NVL: variants seen among roughly 807,000 people sequenced by gnomAD.
The protein encoded by NVL is nuclear VCP like.
NVL carries 84 observed loss-of-function variants against 110.2 expected under a neutral mutation model. That is an observed-to-expected ratio of 0.76 (90% CI 0.64 to 0.91). The LOEUF (loss-of-function observed/expected upper bound fraction) is 0.91, where lower values mean the gene tolerates loss of function less well. Among genes scored for constraint, NVL ranks in the 40% least tolerant of loss-of-function variants. NVL has a pLI of 0.00. For missense variants in NVL, 882 were observed against 1,035.9 expected, an observed-to-expected ratio of 0.85 and a Z score of 2.04; for synonymous variants, 354 against 361.1, an observed-to-expected ratio of 0.98 and a Z score of 0.22.
At chr1:224,252,765 C>T (rs1429040357) in intron 18 of NVL, among the ~76,000 whole-genome samples, 2 of 152,174 alleles carry the variant, frequency 1.3e-5, no homozygotes, top group East Asian at 1.9e-4. Flanking sequence ...TCTGACTCTA[C>T]AGAGCAGAGG....
At chr1:224,298,270 T>C in intron 10 of NVL, 1 of 279,552 alleles carries the variant, frequency 3.6e-6, no homozygotes, top group South Asian at 4.3e-5. Context: ...TGGGTACTGT[T>C]CAAAAAGGAA....
chr1:224,281,595 T>C (rs1446012006), intron 15 of NVL, among the ~76,000 whole-genome samples: 1 of 151,458 alleles, frequency 6.6e-6, no homozygotes, highest in African/African-American at 2.4e-5. Context: ...CTACTGCGCC[T>C]AGCCCTTTTT....
chr1:224,287,558 T>C (rs1666983822), intron 14 of NVL, among the ~76,000 whole-genome samples: 1 of 152,190 alleles, frequency 6.6e-6, no homozygotes, highest in Non-Finnish European at 1.5e-5. Context: ...TATTTACAAC[T>C]ATGATACATC....
intron 18 of NVL, 134 bp from the exon 19 acceptor site, chr1:224,250,452 C>T: frequency 1.9e-5 from 13 of 677,930 alleles, no homozygotes; most frequent in South Asian, 3.0e-5. Context: ...GCAGCCTCGA[C>T]CTCCCAGGCT....
At chr1:224,248,458 T>A (rs1329421538) in intron 19 of NVL, among the ~76,000 whole-genome samples, 1 of 152,222 alleles carries the variant, frequency 6.6e-6, no homozygotes, top group African/African-American at 2.4e-5. Context: ...TGATCATTCT[T>A]CTGTTCTCAT....
intron 10 of NVL, chr1:224,298,305 A>G (rs1668069052): frequency 3.7e-6 from 1 of 270,840 alleles, no homozygotes; most frequent in Non-Finnish European, 7.0e-6. Context: ...TACCACCACA[A>G]AACTGGAAGA....
At chr1:224,302,303 G>A (rs977956879) in intron 9 of NVL, among the ~76,000 whole-genome samples, 2 of 152,090 alleles carry the variant, frequency 1.3e-5, no homozygotes, top group East Asian at 3.9e-4. Context: ...CCAGGTTCAA[G>A]TGATTCTCCT....
intron 19 of NVL, among the ~76,000 whole-genome samples, chr1:224,243,785 C>A (rs1661482468): frequency 1.3e-5 from 2 of 151,060 alleles, no homozygotes; most frequent in South Asian, 4.2e-4. Context: ...CCTTAGTCTC[C>A]CAAGTAGCTG....
chr1:224,243,638 T>C (rs1265167546), intron 19 of NVL, among the ~76,000 whole-genome samples: 1 of 151,254 alleles, frequency 6.6e-6, no homozygotes, highest in Admixed American at 6.6e-5. Flanking sequence ...TTAGCTATTA[T>C]TATATCAGGT....
chr1:224,246,098 C>T (rs753205972), intron 19 of NVL, among the ~76,000 whole-genome samples: 8 of 151,932 alleles, frequency 5.3e-5, no homozygotes, highest in East Asian at 1.9e-4. Context: ...AGCACGATCT[C>T]GGCTCACCAC....
intron 22 of NVL, among the ~76,000 whole-genome samples, chr1:224,229,773 C>A (rs928907526): frequency 2.0e-5 from 3 of 152,124 alleles, no homozygotes; most frequent in African/African-American, 7.2e-5. Flanking sequence ...TGTTGGGTGG[C>A]AATTCCACTC....
At chr1:224,230,461 A>C (rs1659747362) in intron 22 of NVL, among the ~76,000 whole-genome samples, 1 of 151,988 alleles carries the variant, frequency 6.6e-6, no homozygotes, top group African/African-American at 2.4e-5. Flanking sequence ...AAAATTAGCC[A>C]GGCATGGTGG....
chr1:224,271,546 T>C (rs909911920), intron 17 of NVL, among the ~76,000 whole-genome samples: 1 of 151,930 alleles, frequency 6.6e-6, no homozygotes, highest in African/African-American at 2.4e-5. Context: ...TTTTTTATGT[T>C]TCTGGAAAAA....
intron 19 of NVL, among the ~76,000 whole-genome samples, chr1:224,243,373 A>T (rs1014019418): frequency 6.6e-6 from 1 of 151,514 alleles, no homozygotes; most frequent in Non-Finnish European, 1.5e-5. Context: ...AGGCGGGAGG[A>T]TCACTTGAGC....
chr1:224,296,620 T>C lies in NVL; in HGVS notation c.1063-2A>G, dbSNP rs1667908332. On this transcript the variant is annotated splice_acceptor_variant, in intron 10 of 22. Transcript: ENST00000281701. LOFTEE classifies it high-confidence loss of function. The stretch of plus-strand genomic sequence containing the variant: ...GAAAATGATACATGGTGCATTTGAC[T>C]AGAAATAAAAATATCACAAAAAGAC... The C allele has an allele frequency of 6.5e-7, 1 of 1,549,074 alleles. No individual in the cohort carries two copies.
intron 16 of NVL, among the ~76,000 whole-genome samples, chr1:224,276,121 G>A (rs1277955693): frequency 1.3e-5 from 2 of 152,144 alleles, no homozygotes; most frequent in African/African-American, 4.8e-5. Context: ...TTTAGCTTAG[G>A]CATAAGAAAT....
At chr1:224,310,931 C>T (rs1364960971) in intron 5 of NVL, among the ~76,000 whole-genome samples, 1 of 152,088 alleles carries the variant, frequency 6.6e-6, no homozygotes, top group East Asian at 1.9e-4. Context: ...CAGAGTCTTG[C>T]TAGGTTGCCT....
chr1:224,272,277 A>C (rs1665196269), intron 17 of NVL, among the ~76,000 whole-genome samples: 1 of 151,946 alleles, frequency 6.6e-6, no homozygotes. Context: ...CCCAGGAGGC[A>C]GAAGTTGCGA....
chr1:224,260,507 C>T (rs1168789443), intron 18 of NVL, among the ~76,000 whole-genome samples: 1 of 152,134 alleles, frequency 6.6e-6, no homozygotes, highest in Non-Finnish European at 1.5e-5. Context: ...GTGTCTGCCT[C>T]AGCCTTCCAA....
Sources: gnomAD v4.1 joint callset for allele counts (sites outside exome capture counted in the v4.1 genomes callset) on GRCh38, gnomAD v4.1.1 for gene constraint, MANE v1.5 for transcripts, NCBI Gene and HGNC (gene_info 2026-07-23, HGNC 2026-07-21) for gene names.